Variants in ATOSA observed in about 807,000 individuals in gnomAD.
The protein encoded by ATOSA is atos homolog protein A.
chr15:52,606,498 A>G, the ATOSA span, among the ~76,000 whole-genome samples: 3 of 152,312 alleles, frequency 2.0e-5, no homozygotes, highest in East Asian at 5.8e-4. Context: ...ACCTACCTTC[A>G]TATCAAAGTG....
chr15:52,698,842 C>T, the ATOSA span, among the ~76,000 whole-genome samples: 4 of 152,140 alleles, frequency 2.6e-5, no homozygotes, highest in African/African-American at 9.7e-5. Flanking sequence ...GATTACTGTA[C>T]TGTCTTCATT....
the ATOSA span, among the ~76,000 whole-genome samples, chr15:52,707,836 TA>T: frequency 6.6e-6 from 1 of 152,118 alleles, no homozygotes; most frequent in East Asian, 1.9e-4. Flanking sequence ...AAAAGTTTAA[TA>T]AAAGTATGTT....
At chr15:52,645,452 A>AAATC in the ATOSA span, among the ~76,000 whole-genome samples, 2 of 151,802 alleles carry the variant, frequency 1.3e-5, no homozygotes, top group Non-Finnish European at 2.9e-5. Flanking sequence ...TCAAATAAAT[A>AAATC]AATAAATAAA....
the ATOSA span, chr15:52,611,357 G>A: frequency 1.6e-5 from 23 of 1,435,868 alleles, no homozygotes; most frequent in Admixed American, 4.8e-4. Context: ...CTCAGGATTT[G>A]TGCTTTGAAG....
At chr15:52,699,152 C>T in the ATOSA span, among the ~76,000 whole-genome samples, 2 of 152,204 alleles carry the variant, frequency 1.3e-5, no homozygotes, top group Non-Finnish European at 2.9e-5. Flanking sequence ...CCACTAATGG[C>T]TCAGAAATCA....
chr15:52,640,034 A>C, the ATOSA span, among the ~76,000 whole-genome samples: 2 of 151,964 alleles, frequency 1.3e-5, no homozygotes, highest in Non-Finnish European at 2.9e-5. Context: ...CTAGGATTAC[A>C]GGTGTGAGCC....
chr15:52,632,140 A>C, the ATOSA span, among the ~76,000 whole-genome samples: 2 of 152,212 alleles, frequency 1.3e-5, no homozygotes, highest in Admixed American at 1.3e-4. Flanking sequence ...TAAAGTGGAA[A>C]AGACTAATTT....
At chr15:52,668,565 AC>A in the ATOSA span, among the ~76,000 whole-genome samples, 1 of 152,202 alleles carries the variant, frequency 6.6e-6, no homozygotes, top group Admixed American at 6.5e-5. Flanking sequence ...GAATGTTCCC[AC>A]CCACAAGGAA....
At chr15:52,672,217 C>T in the ATOSA span, among the ~76,000 whole-genome samples, 143 of 138,316 alleles carry the variant, frequency 1.0e-3, 4 homozygotes, top group Middle Eastern at 4.1e-3. Flanking sequence ...GGCATAGTGG[C>T]GTGCACCTGT....
At chr15:52,657,155 G>C in the ATOSA span, 3 of 152,004 alleles carry the variant, frequency 2.0e-5, no homozygotes, top group South Asian at 6.2e-4. Context: ...ACCAACTCTA[G>C]GTTTAATTCC....
the ATOSA span, among the ~76,000 whole-genome samples, chr15:52,697,572 GA>G: frequency 1.3e-5 from 2 of 152,118 alleles, no homozygotes; most frequent in Admixed American, 1.3e-4. Context: ...ATTTACCTTA[GA>G]ATTTTTTCCC....
At chr15:52,709,211 G>T in the ATOSA span, among the ~76,000 whole-genome samples, 223 of 152,208 alleles carry the variant, frequency 1.5e-3, no homozygotes, top group Middle Eastern at 6.8e-3. Context: ...CAAAACCCAC[G>T]ATTGATCATT....
At chr15:52,583,581 T>A in the ATOSA span, among the ~76,000 whole-genome samples, 1 of 152,198 alleles carries the variant, frequency 6.6e-6, no homozygotes, top group Non-Finnish European at 1.5e-5. Context: ...AGATGGGGTT[T>A]CACCATGTTG....
At chr15:52,609,105 G>A in the ATOSA span, 1 of 1,613,382 alleles carries the variant, frequency 6.2e-7, no homozygotes, top group Non-Finnish European at 8.5e-7. Flanking sequence ...TAGAACTTTT[G>A]TTCTGTGTCT....
chr15:52,603,799 A>G, the ATOSA span, among the ~76,000 whole-genome samples: 1 of 152,200 alleles, frequency 6.6e-6, no homozygotes, highest in South Asian at 2.1e-4. Context: ...ATGAAGATAA[A>G]GGGTATAAGG....
the ATOSA span, among the ~76,000 whole-genome samples, chr15:52,665,230 A>T: frequency 3.3e-5 from 5 of 152,198 alleles, no homozygotes; most frequent in Non-Finnish European, 2.9e-5. Context: ...TGATGTAATG[A>T]ATCTGCATGT....
the ATOSA span, among the ~76,000 whole-genome samples, chr15:52,638,354 A>G: frequency 2.0e-5 from 3 of 152,292 alleles, no homozygotes; most frequent in Non-Finnish European, 4.4e-5. Context: ...TACATATCCT[A>G]TTCACCAAGA....
chr15:52,581,541 G>A, the ATOSA span: 1 of 152,290 alleles, frequency 6.6e-6, no homozygotes, highest in East Asian at 1.9e-4. Context: ...AAGCAGCTTA[G>A]TCCACATTGC....
chr15:52,613,685 G>A, the ATOSA span: 1 of 1,613,678 alleles, frequency 6.2e-7, no homozygotes, highest in Non-Finnish European at 8.5e-7. Flanking sequence ...GGGCCAGCTT[G>A]TCACTACATT....
Sources: gnomAD v4.1 joint callset for allele counts (sites outside exome capture counted in the v4.1 genomes callset) on GRCh38, gnomAD v4.1.1 for gene constraint, MANE v1.5 for transcripts, NCBI Gene and HGNC (gene_info 2026-07-23, HGNC 2026-07-21) for gene names.